Variants in KIAA1549 observed in about 807,000 individuals in gnomAD.
The protein encoded by KIAA1549 is UPF0606 protein KIAA1549.
KIAA1549 carries 70 observed loss-of-function variants against 156.4 expected under a neutral mutation model. That is an observed-to-expected ratio of 0.45 (90% CI 0.37 to 0.55). KIAA1549 has a LOEUF of 0.55. KIAA1549 is among the 20% of genes least tolerant of loss of function. KIAA1549 has a pLI of 0.00. For missense variants in KIAA1549, 2,428 were observed against 2,540.9 expected (o/e 0.96, Z 0.96); for synonymous variants, 1,103 against 1,066.4 (o/e 1.03, Z -0.67).
chr7:138,867,891 G>A (rs1001638823), intron 15 of KIAA1549, 84 bp downstream of exon 15: 1 of 1,440,716 alleles, frequency 6.9e-7, no homozygotes, highest in East Asian at 2.3e-5. Context: ...GGCAGCCAGT[G>A]CTGCTGCTTC....
In KIAA1549 at chr7:138,844,329, C is replaced by G. The variant is rs747209602; in HGVS notation, c.5440G>C (p.Gly1814Arg). 3 of 1,613,928 alleles carry G rather than the reference C, an allele frequency of 1.9e-6. No individual in the cohort carries two copies. Among genetic ancestry groups the G allele is most frequent in the Non-Finnish European group, 2.5e-6 (3 of 1,179,888 alleles). ...MPSVARPRPV[G>R]GTTGSQIQHL... ...CAGCCACATATACCTGTGGTACCCC[C>G]GACAGGCCGAGGCCGGGCCACCGAC... is the stretch of plus-strand genomic sequence containing the variant. Residue 1814 changes from glycine to arginine, a missense_variant, in exon 18 of 20, where the codon GGG (glycine) becomes CGG (arginine). By Grantham distance (125) the Gly-to-Arg change is moderately radical (BLOSUM62 -2). Around this residue, in one of 5 missense-constraint regions of KIAA1549, gnomAD observed 363 missense variants for 354.0 expected, o/e 1.03. Coordinates refer to ENST00000422774, the MANE Select transcript of KIAA1549 (RefSeq NM_001164665.2).
intron 1 of KIAA1549, among the ~76,000 whole-genome samples, chr7:138,969,861 G>A (rs370781750): frequency 1.7e-4 from 26 of 152,258 alleles, no homozygotes; most frequent in African/African-American, 5.3e-4. Flanking sequence ...CCAAAGGGCC[G>A]GCCACTGTGC....
chr7:138,951,376 GCACAGTTTCTCCTT>G (rs1813495055), intron 1 of KIAA1549, among the ~76,000 whole-genome samples: 1 of 152,100 alleles, frequency 6.6e-6, no homozygotes, highest in South Asian at 2.1e-4. Context: ...TCTCTCCCTA[GCACAGTTTCTCCTT>G]GACTCTGCTG....
intron 9 of KIAA1549, among the ~76,000 whole-genome samples, chr7:138,894,943 T>C (rs1421498142): frequency 6.6e-6 from 1 of 152,176 alleles, no homozygotes; most frequent in Non-Finnish European, 1.5e-5. Flanking sequence ...CAGAACATAA[T>C]CCTGCCCGCT....
At chr7:138,975,795 T>C (rs1814359692) in intron 1 of KIAA1549, among the ~76,000 whole-genome samples, 1 of 152,168 alleles carries the variant, frequency 6.6e-6, no homozygotes, top group South Asian at 2.1e-4. Flanking sequence ...AAAATCAACC[T>C]AGTGTAATTA....
chr7:138,869,690 G>A lies in KIAA1549; in HGVS notation c.4623C>T (p.Arg1541=), dbSNP rs1164226578. ...HRNKIRLRAK[R]RGHYEFPVVD... ...CCACCGGGAACTCGTAGTGCCCGCG[G>A]CGCTTGGCGCGCAGGCGGATCTTGT... Residue 1541 remains arginine (R), a synonymous_variant, in exon 14 of 20, where the codon CGC becomes CGT. Transcript: ENST00000422774. The A allele has an allele frequency of 1.2e-6, 2 of 1,612,324 alleles. No homozygotes were observed. Among genetic ancestry groups the A allele is most frequent in the Non-Finnish European group, 1.7e-6 (2 of 1,179,856 alleles).
At position 138,917,627 on chromosome 7, in the gene KIAA1549, C is replaced by T. The variant is rs1298775203; in HGVS notation, c.1999G>A (p.Val667Ile). 3 of 1,613,570 alleles carry T rather than the reference C, an allele frequency of 1.9e-6. No individual in the cohort carries two copies. The highest frequency in any genetic ancestry group is 2.5e-6 in the Non-Finnish European group (3 of 1,179,810). Residue 667 changes from valine to isoleucine, a missense_variant, in exon 2 of 20, where the codon GTT (valine) becomes ATT (isoleucine). Val to Ile is a conservative substitution (Grantham distance 29, BLOSUM62 3). Transcript: ENST00000422774. ...PFTSQSFSPL[V>I]ETFTLFDSSD... is the part of the protein sequence containing the mutation. The stretch of plus-strand genomic sequence containing the variant: ...GAGTCAAACAATGTAAATGTCTCAA[C>T]CAAGGGAGAAAAAGACTGAGATGTG...
intron 15 of KIAA1549, among the ~76,000 whole-genome samples, chr7:138,866,220 G>A (rs928082993): frequency 3.3e-5 from 5 of 152,164 alleles, no homozygotes; most frequent in African/African-American, 1.2e-4. Context: ...AGATCAAGAA[G>A]GTCGGTCTTT....
At chr7:138,843,682 G>C (rs140496935) in intron 18 of KIAA1549, among the ~76,000 whole-genome samples, 1 of 152,034 alleles carries the variant, frequency 6.6e-6, no homozygotes, top group Non-Finnish European at 1.5e-5. Flanking sequence ...TGCTTAGTAC[G>C]CATGCCATGT....
intron 5 of KIAA1549, 139 bp downstream of exon 5, chr7:138,908,852 G>A (rs1812084540): frequency 2.0e-6 from 2 of 1,002,206 alleles, no homozygotes; most frequent in East Asian, 5.1e-5. Context: ...TTACGCCACA[G>A]GAATAGATCA....
At position 138,917,016 on chromosome 7, in the gene KIAA1549, G is replaced by C; in HGVS notation, c.2610C>G (p.Leu870=). 6.2e-7 allele frequency: 1 copy of C among 1,604,018 alleles called. No homozygotes were observed. The highest frequency in any genetic ancestry group is 8.5e-7 in the Non-Finnish European group (1 of 1,175,184). The change falls in exon 2 of 20, where the codon CTC becomes CTG. Residue 870 remains leucine (L), a synonymous_variant. Coordinates refer to ENST00000422774, the MANE Select transcript of KIAA1549 (RefSeq NM_001164665.2). The part of the protein sequence containing the change: ...PTELTVVGPS[L]TPTEVPLNTS... ...TGTTCAGTGGCACCTCTGTGGGTGT[G>C]AGTGATGGGCCCACGACGGTCAGCT...
At chr7:138,867,670 A>G (rs528170239) in intron 15 of KIAA1549, among the ~76,000 whole-genome samples, 2 of 152,338 alleles carry the variant, frequency 1.3e-5, no homozygotes, top group African/African-American at 2.4e-5. Context: ...AACCTCGAAA[A>G]AAGTCCCACT....
intron 10 of KIAA1549, among the ~76,000 whole-genome samples, chr7:138,886,073 G>A (rs1429159171): frequency 6.6e-6 from 1 of 152,120 alleles, no homozygotes; most frequent in African/African-American, 2.4e-5. Flanking sequence ...TGTGGTGTGA[G>A]AGCAGAGGAG....
intron 16 of KIAA1549, among the ~76,000 whole-genome samples, chr7:138,853,062 G>C (rs560414542): frequency 6.6e-6 from 1 of 152,228 alleles, no homozygotes; most frequent in East Asian, 1.9e-4. Context: ...ATATACATGG[G>C]ACTCTTATTT....
rs756922947 is a variant in KIAA1549 at position 138,855,405 on chromosome 7, G to A, written c.5248-3136C>T. Among the ~76,000 whole-genome samples, 10 of 152,178 alleles carry A rather than the reference G, an allele frequency of 6.6e-5. No homozygotes were observed. In the East Asian group the frequency reaches 1.3e-3, roughly 21 times the overall value. On this transcript the variant is annotated intron_variant, in intron 16 of 19. Transcript: ENST00000422774. Reference sequence around the variant, plus strand: ...ATCAGAACTGCTCCACCCTAACATCGTATATTCAAGACCAGAGGCAGGGAG... The same window carrying A: ...ATCAGAACTGCTCCACCCTAACATCATATATTCAAGACCAGAGGCAGGGAG...
chr7:138,963,505 G>A (rs561483832), intron 1 of KIAA1549, among the ~76,000 whole-genome samples: 3 of 152,244 alleles, frequency 2.0e-5, no homozygotes, highest in African/African-American at 4.8e-5. Context: ...AAACTACAAC[G>A]AACAAAATAG....
chr7:138,947,757 G>A (rs1339847831), intron 1 of KIAA1549, among the ~76,000 whole-genome samples: 3 of 151,964 alleles, frequency 2.0e-5, no homozygotes, highest in Non-Finnish European at 4.4e-5. Flanking sequence ...AATATTCAGG[G>A]GCCAACTTTT....
At chr7:138,892,386 G>A (rs945130249) in intron 10 of KIAA1549, among the ~76,000 whole-genome samples, 9 of 152,200 alleles carry the variant, frequency 5.9e-5, no homozygotes, top group East Asian at 1.9e-4. Context: ...ATACATAACC[G>A]TCTACACTGG....
chr7:138,917,385 A>C lies in KIAA1549; in HGVS notation c.2241T>G (p.Ala747=). The C allele has an allele frequency of 6.2e-7, 1 of 1,613,994 alleles. No homozygotes were observed. ...CAAGATAGGAGGTAGTTTCAATGAAAGCTGAGGTAAAATGAGCTTCTGAAT... is the reference window on the plus strand; with the variant it reads ...CAAGATAGGAGGTAGTTTCAATGAACGCTGAGGTAAAATGAGCTTCTGAAT... ...LTDSEAHFTS[A]FIETTSYLES... is the part of the protein sequence containing the mutation. The change falls in exon 2 of 20, where the codon GCT becomes GCG. Residue 747 remains alanine (A), a synonymous_variant. Transcript: ENST00000422774.
Sources: gnomAD v4.1 joint callset for allele counts (sites outside exome capture counted in the v4.1 genomes callset) on GRCh38, gnomAD v4.1.1 for gene constraint, gnomAD v4.1.1 regional missense constraint, MANE v1.5 for transcripts, NCBI Gene and HGNC (gene_info 2026-07-23, HGNC 2026-07-21) for gene names.